ADAM22: variants seen among roughly 807,000 people sequenced by gnomAD.
ADAM22 encodes ADAM metallopeptidase domain 22, also known as disintegrin and metalloproteinase domain-containing protein 22.
In ADAM22, 65 loss-of-function variants were observed where a neutral mutation model predicts 144.6. The ratio of observed to expected loss-of-function variants is 0.45; its 90% CI spans 0.37 to 0.55. The LOEUF (loss-of-function observed/expected upper bound fraction) is 0.55. ADAM22 is among the 20% of genes least tolerant of loss of function. The pLI is 0.00. For missense variants in ADAM22, 974 were observed against 1,184.9 expected, an observed-to-expected ratio of 0.82 and a Z score of 2.61; for synonymous variants, 391 against 412.6, an observed-to-expected ratio of 0.95 and a Z score of 0.63.
intron 3 of ADAM22, among the ~76,000 whole-genome samples, chr7:88,009,380 G>T (rs968313645): frequency 1.3e-5 from 2 of 152,076 alleles, no homozygotes; most frequent in South Asian, 2.1e-4. Context: ...AATTGGTTAC[G>T]TGGCCATTTT....
At position 88,108,221 on chromosome 7, in the gene ADAM22, G is replaced by C. The variant is rs756143543; in HGVS notation, c.436G>C (p.Asp146His). ...CCAGGGCCATATCCGAGGAAACCCT[G>C]ACTCATTTGTTGCATTGTCAACATG... ...YYQGHIRGNP[D>H]SFVALSTCHG... The change falls in exon 5 of 32, where the codon GAC becomes CAC. Residue 146 changes from aspartate (D) to histidine (H), a missense_variant. By Grantham distance (81) the Asp-to-His change is moderately conservative. Transcript: ENST00000413139. 2.0e-5 allele frequency: 33 copies of C among 1,613,798 alleles called. No homozygotes were observed. The highest frequency in any genetic ancestry group is 3.3e-5 in the Admixed American group (2 of 59,992).
chr7:88,200,720 A>T lies in ADAM22; in HGVS notation c.*4229A>T, dbSNP rs1487445203. On this transcript the variant is annotated 3_prime_UTR_variant, in exon 32 of 32. Coordinates refer to ENST00000413139, the MANE Select transcript of ADAM22 (RefSeq NM_001324418.2). ...TGCTCTACAGTTTAAGATGTATAAG[A>T]AGTAAACACTTCCGTGGAATAGGGC... is the stretch of plus-strand genomic sequence containing the variant. 4 of 152,224 alleles carry T rather than the reference A, an allele frequency of 2.6e-5. No individual in the cohort carries two copies. Among genetic ancestry groups the T allele is most frequent in the African/African-American group, 9.7e-5 (4 of 41,448 alleles). 9.4% of individuals were successfully genotyped at this position (152,224 alleles called of 1,614,324 possible).
At chr7:88,089,480 G>A (rs766936282) in intron 4 of ADAM22, among the ~76,000 whole-genome samples, 58 of 152,050 alleles carry the variant, frequency 3.8e-4, no homozygotes, top group Non-Finnish European at 7.2e-4. Flanking sequence ...TCTATACTAA[G>A]GCTTTTTCCT....
At chr7:87,968,867 G>A (rs1196770651) in intron 2 of ADAM22, among the ~76,000 whole-genome samples, 1 of 152,180 alleles carries the variant, frequency 6.6e-6, no homozygotes, top group Non-Finnish European at 1.5e-5. Context: ...CTTCTGGGGA[G>A]ACCTCAGGAA....
At chr7:87,935,267 A>G in intron 2 of ADAM22, 81 bp downstream of exon 2, 5 of 1,418,516 alleles carry the variant, frequency 3.5e-6, no homozygotes, top group Non-Finnish European at 4.7e-6. Flanking sequence ...GTTGCCCTGG[A>G]GATCCCATGT....
intron 17 of ADAM22, among the ~76,000 whole-genome samples, chr7:88,146,863 C>G (rs892168316): frequency 2.6e-5 from 4 of 152,200 alleles, no homozygotes; most frequent in Non-Finnish European, 5.9e-5. Flanking sequence ...CGAGCAGGCA[C>G]TGGCAGAGAT....
chr7:88,026,931 A>G (rs1395039599), intron 3 of ADAM22, among the ~76,000 whole-genome samples: 2 of 152,072 alleles, frequency 1.3e-5, no homozygotes, highest in Non-Finnish European at 2.9e-5. Flanking sequence ...GCTTTTTGTC[A>G]TGAAAGGGTG....
chr7:88,030,096 C>T (rs2129469250), intron 3 of ADAM22, among the ~76,000 whole-genome samples: 1 of 152,230 alleles, frequency 6.6e-6, no homozygotes, highest in Admixed American at 6.5e-5. Flanking sequence ...ATGCCAAAAA[C>T]TCTTTAATTT....
chr7:88,127,597 T>G (rs1830723482), intron 8 of ADAM22, among the ~76,000 whole-genome samples: 2 of 152,054 alleles, frequency 1.3e-5, no homozygotes, highest in South Asian at 4.1e-4. Flanking sequence ...TTTTTTTTTT[T>G]TAAGTTTTTA....
intron 11 of ADAM22, 106 bp downstream of exon 11, chr7:88,131,541 C>A: frequency 8.4e-7 from 1 of 1,197,302 alleles, no homozygotes; most frequent in Non-Finnish European, 1.2e-6. Flanking sequence ...TAGGATTTGA[C>A]ATGGCAGATG....
chr7:87,951,047 T>G (rs1261746977), intron 2 of ADAM22, among the ~76,000 whole-genome samples: 1 of 152,222 alleles, frequency 6.6e-6, no homozygotes, highest in East Asian at 1.9e-4. Flanking sequence ...TAGCCCTTTG[T>G]CAGATGAGTA....
intron 26 of ADAM22, among the ~76,000 whole-genome samples, chr7:88,175,944 A>C (rs750861555): frequency 6.6e-6 from 1 of 152,122 alleles, no homozygotes; most frequent in African/African-American, 2.4e-5. Flanking sequence ...TAAATGAAGG[A>C]TGTTAAACAT....
At chr7:87,939,865 C>T (rs1391776576) in intron 2 of ADAM22, among the ~76,000 whole-genome samples, 1 of 152,178 alleles carries the variant, frequency 6.6e-6, no homozygotes, top group Non-Finnish European at 1.5e-5. Context: ...TATAGGTTAT[C>T]TAACCTAATT....
chr7:88,007,185 T>C (rs1385000632), intron 3 of ADAM22, among the ~76,000 whole-genome samples: 4 of 152,132 alleles, frequency 2.6e-5, no homozygotes, highest in Non-Finnish European at 4.4e-5. Context: ...GGAATCCAAC[T>C]TACAAGGGAT....
intron 3 of ADAM22, among the ~76,000 whole-genome samples, chr7:87,991,620 C>A (rs1047747108): frequency 6.6e-6 from 1 of 152,114 alleles, no homozygotes; most frequent in Non-Finnish European, 1.5e-5. Context: ...CCCGCCTCGG[C>A]CTCCCAAAGT....
intron 2 of ADAM22, among the ~76,000 whole-genome samples, chr7:87,946,447 A>G (rs1387698482): frequency 6.6e-6 from 1 of 152,142 alleles, no homozygotes; most frequent in East Asian, 1.9e-4. Flanking sequence ...ATTCTTTCTC[A>G]AGGCCGATTT....
intron 3 of ADAM22, among the ~76,000 whole-genome samples, chr7:87,984,984 T>G (rs1459175338): frequency 6.6e-6 from 1 of 152,118 alleles, no homozygotes; most frequent in Non-Finnish European, 1.5e-5. Context: ...GGAACATATT[T>G]GTTGCATACA....
At chr7:88,006,745 C>T (rs1250099443) in intron 3 of ADAM22, among the ~76,000 whole-genome samples, 5 of 150,070 alleles carry the variant, frequency 3.3e-5, no homozygotes, top group East Asian at 3.9e-4. Context: ...ATTGATGGGA[C>T]GTATCTCAAA....
chr7:88,008,588 A>C (rs909487993), intron 3 of ADAM22, among the ~76,000 whole-genome samples: 4 of 151,664 alleles, frequency 2.6e-5, no homozygotes, highest in African/African-American at 7.2e-5. Flanking sequence ...TGATGAGTTC[A>C]TGTCCTTTGT....
Sources: allele counts gnomAD v4.1 joint callset (sites outside exome capture counted in the v4.1 genomes callset), GRCh38; gene constraint gnomAD v4.1.1; transcripts MANE v1.5; gene names NCBI Gene and HGNC (gene_info 2026-07-23, HGNC 2026-07-21).